DCC: variants seen among roughly 807,000 people sequenced by gnomAD.
The protein encoded by DCC is netrin receptor DCC.
DCC carries 58 observed loss-of-function variants against 172.5 expected under a neutral mutation model. That is an observed-to-expected ratio of 0.34 (90% confidence interval 0.27 to 0.42). The LOEUF (loss-of-function observed/expected upper bound fraction) is 0.42. Among genes scored for constraint, DCC ranks in the 10% least tolerant of loss-of-function variants. The probability of loss-of-function intolerance (pLI) is 1.00; values close to 1 mark genes in which losing one functional copy is unlikely to be tolerated. For synonymous variants in DCC, 709 were observed against 644.5 expected (o/e 1.10, Z -1.52); for missense variants, 1,740 against 1,791.0 (o/e 0.97, Z 0.51).
chr18:52,961,927 C>G (rs1486898925), intron 5 of DCC, among the ~76,000 whole-genome samples: 1 of 152,144 alleles, frequency 6.6e-6, no homozygotes, highest in African/African-American at 2.4e-5. Flanking sequence ...GAAACTGGAT[C>G]CCTTCCTTAC....
chr18:53,388,350 C>T (rs1247197877), intron 16 of DCC, among the ~76,000 whole-genome samples: 1 of 152,230 alleles, frequency 6.6e-6, no homozygotes, highest in Non-Finnish European at 1.5e-5. Context: ...GTCAGTGCCA[C>T]ATAGACGGCA....
chr18:52,753,639 T>A (rs112668036), intron 2 of DCC, among the ~76,000 whole-genome samples: 1 of 152,196 alleles, frequency 6.6e-6, no homozygotes, highest in Non-Finnish European at 1.5e-5. Flanking sequence ...CCAAATTTCT[T>A]AACGCTTGGT....
chr18:52,631,932 T>G (rs1183038165), intron 1 of DCC, among the ~76,000 whole-genome samples: 1 of 152,194 alleles, frequency 6.6e-6, no homozygotes, highest in African/African-American at 2.4e-5. Flanking sequence ...CAGCCTCTGC[T>G]CCAGCTCTGA....
chr18:53,158,988 CAAAAAA>C (rs558049091), intron 8 of DCC, among the ~76,000 whole-genome samples: 1 of 52,374 alleles, frequency 1.9e-5, no homozygotes, highest in Non-Finnish European at 3.8e-5. Flanking sequence ...GACGCCATCT[CAAAAAA>C]AAAAAAAAAA....
intron 26 of DCC, among the ~76,000 whole-genome samples, chr18:53,496,635 C>T (rs1219759800): frequency 2.0e-5 from 3 of 152,146 alleles, no homozygotes; most frequent in Non-Finnish European, 2.9e-5. Context: ...AAGTAGGCTT[C>T]AGAAGGTGGG....
chr18:53,527,055 AATATATACAT>A (rs1300634925), intron 28 of DCC: 1 of 407,864 alleles, frequency 2.5e-6, no homozygotes, highest in African/African-American at 2.1e-5. Context: ...ATATGTACAT[AATATATACAT>A]ATACACATGA....
intron 14 of DCC, among the ~76,000 whole-genome samples, chr18:53,326,934 T>TGC (rs2057474324): frequency 6.6e-6 from 1 of 152,210 alleles, no homozygotes. Context: ...TTATGTTGTA[T>TGC]AACTTACCCC....
At chr18:53,113,190 T>C (rs1344533131) in intron 7 of DCC, among the ~76,000 whole-genome samples, 2 of 151,580 alleles carry the variant, frequency 1.3e-5, no homozygotes, top group African/African-American at 4.8e-5. Context: ...AAGAAGTTGA[T>C]GTATATTTTA....
chr18:52,993,756 T>G (rs2145626780), intron 5 of DCC, among the ~76,000 whole-genome samples: 1 of 152,260 alleles, frequency 6.6e-6, no homozygotes, highest in Non-Finnish European at 1.5e-5. Flanking sequence ...TTATAGCTTC[T>G]ACTTTGCGGG....
intron 1 of DCC, among the ~76,000 whole-genome samples, chr18:52,477,427 G>A (rs1989125536): frequency 6.6e-6 from 1 of 152,136 alleles, no homozygotes; most frequent in African/African-American, 2.4e-5. Flanking sequence ...GAATGCCAAA[G>A]GTAACCAGTG....
At chr18:52,556,507 C>T (rs910435023) in intron 1 of DCC, among the ~76,000 whole-genome samples, 1 of 152,100 alleles carries the variant, frequency 6.6e-6, no homozygotes, top group East Asian at 1.9e-4. Flanking sequence ...ATGGTTAGAA[C>T]ATCCTGCAGC....
intron 1 of DCC, among the ~76,000 whole-genome samples, chr18:52,388,806 G>A (rs1342793188): frequency 6.6e-6 from 1 of 152,084 alleles, no homozygotes; most frequent in Non-Finnish European, 1.5e-5. Flanking sequence ...GCATGGTCAG[G>A]TCAAGCTGTG....
At chr18:52,380,944 C>T (rs981326965) in intron 1 of DCC, among the ~76,000 whole-genome samples, 14 of 152,048 alleles carry the variant, frequency 9.2e-5, no homozygotes, top group African/African-American at 3.4e-4. Flanking sequence ...CTTAAAGGAG[C>T]TGTTCTAAAG....
chr18:53,351,291 GTATATATATATATATATATATATACAC>G (rs2057789814), intron 15 of DCC, among the ~76,000 whole-genome samples: 1 of 34,450 alleles, frequency 2.9e-5, no homozygotes, highest in African/African-American at 9.9e-5. Context: ...ATTGAGTACA[GTATATATATATATATATATATATACAC>G]TGTATATATA....
At chr18:52,760,561 A>C (rs1472965054) in intron 2 of DCC, among the ~76,000 whole-genome samples, 1 of 152,130 alleles carries the variant, frequency 6.6e-6, no homozygotes, top group African/African-American at 2.4e-5. Flanking sequence ...CATGTCCTGC[A>C]CCCCATCATT....
intron 5 of DCC, among the ~76,000 whole-genome samples, chr18:53,041,376 ATC>A (rs2042166866): frequency 6.6e-6 from 1 of 151,702 alleles, no homozygotes; most frequent in African/African-American, 2.4e-5. Flanking sequence ...CTGTTTATAT[ATC>A]TGTTTTGGTA....
chr18:52,859,693 A>G (rs1463052398), intron 2 of DCC, among the ~76,000 whole-genome samples: 1 of 152,144 alleles, frequency 6.6e-6, no homozygotes, highest in Non-Finnish European at 1.5e-5. Context: ...TTCTCTACAT[A>G]TGCTCTTCTG....
intron 1 of DCC, among the ~76,000 whole-genome samples, chr18:52,453,265 C>T (rs1385406300): frequency 1.3e-5 from 2 of 152,156 alleles, no homozygotes; most frequent in Admixed American, 6.5e-5. Flanking sequence ...CCATTAGGCT[C>T]GGTAGAACAC....
At chr18:53,122,843 T>C (rs1283444578) in intron 7 of DCC, among the ~76,000 whole-genome samples, 2 of 152,094 alleles carry the variant, frequency 1.3e-5, no homozygotes, top group Admixed American at 1.3e-4. Flanking sequence ...GCATCAGCTC[T>C]TTCTGACCTT....
Sources: allele counts gnomAD v4.1 joint callset (sites outside exome capture counted in the v4.1 genomes callset), GRCh38; gene constraint gnomAD v4.1.1; transcripts MANE v1.5; gene names NCBI Gene and HGNC (gene_info 2026-07-23, HGNC 2026-07-21).